Variants in ZNF343 observed in about 807,000 individuals in gnomAD.
The protein encoded by ZNF343 is zinc finger protein 343.
Under a neutral mutation model 13.8 loss-of-function variants are expected in ZNF343, and 11 were observed. The ratio of observed to expected loss-of-function variants is 0.80; its 90% CI spans 0.50 to 1.32. The LOEUF (loss-of-function observed/expected upper bound fraction) is 1.32. Ranked by LOEUF, ZNF343 falls within the 40% of genes most tolerant of loss-of-function variation. ZNF343 has a pLI of 0.00. For missense variants in ZNF343, 658 were observed against 714.2 expected (o/e 0.92, Z 0.90); for synonymous variants, 248 against 260.0 (o/e 0.95, Z 0.44).
chr20:2,503,056 T>C (rs891784067), intron 1 of ZNF343, among the ~76,000 whole-genome samples: 2 of 152,164 alleles, frequency 1.3e-5, no homozygotes, highest in Admixed American at 6.5e-5. Flanking sequence ...GTGTGCTGTA[T>C]TCAGGAAACC....
intron 5 of ZNF343, among the ~76,000 whole-genome samples, chr20:2,490,191 G>A (rs2085344477): frequency 6.6e-6 from 1 of 152,104 alleles, no homozygotes; most frequent in Non-Finnish European, 1.5e-5. Flanking sequence ...GCACAGGTGA[G>A]ACAGCGATAG....
rs780933734 is a variant in ZNF343 at position 2,493,815 on chromosome 20, C to T, written c.81G>A (p.Glu27=). Residue 27 remains glutamate, a synonymous_variant, in exon 3 of 6, where the codon GAG becomes GAA. Coordinates refer to ENST00000278772, the MANE Select transcript of ZNF343 (RefSeq NM_024325.6). ...GATTTTGGGTCAATTTCTTCATAGTCTCTACATTTTCCCCATTCTTTGGAA... is the reference window on the plus strand; with the variant it reads ...GATTTTGGGTCAATTTCTTCATAGTTTCTACATTTTCCCCATTCTTTGGAA... The part of the protein sequence containing the change: ...ILLPKNGENV[E]TMKKLTQNHK... The T allele has an allele frequency of 8.1e-6, 13 of 1,614,038 alleles. No homozygotes were observed. Among genetic ancestry groups the T allele is most frequent in the Non-Finnish European group, 9.3e-6 (11 of 1,179,942 alleles).
chr20:2,499,997 T>C (rs566854499), intron 2 of ZNF343, among the ~76,000 whole-genome samples: 2 of 152,314 alleles, frequency 1.3e-5, no homozygotes, highest in Admixed American at 1.3e-4. Context: ...AATATTATGG[T>C]TACATTTTTA....
intron 4 of ZNF343, 110 bp from the exon 5 acceptor site, chr20:2,492,935 G>C (rs558029825): frequency 6.8e-7 from 1 of 1,480,262 alleles, no homozygotes; most frequent in East Asian, 2.3e-5. Flanking sequence ...GATGTAATTC[G>C]TCAGAATATA....
intron 1 of ZNF343, among the ~76,000 whole-genome samples, chr20:2,514,897 G>A (rs1180894273): frequency 2.6e-5 from 4 of 151,962 alleles, no homozygotes; most frequent in African/African-American, 4.8e-5. Context: ...GCTGAGGCAC[G>A]AGAATTGCTT....
Position 2,497,161 on chromosome 20 carries a change from G to A in ZNF343, c.-149-3117C>T, listed in dbSNP as rs78200544. Among the ~76,000 whole-genome samples the A allele has an allele frequency of 7.3e-3, 1,116 of 152,318 alleles. 16 individuals are homozygous for A. The highest frequency in any genetic ancestry group is 0.026 in the African/African-American group (1,068 of 41,560). ...TTGGGGGAGAAGAACAAAGTTTGATGTTTGAGACTAGGTTTGAGATGCTAA... is the reference window on the plus strand; with the variant it reads ...TTGGGGGAGAAGAACAAAGTTTGATATTTGAGACTAGGTTTGAGATGCTAA... On this transcript the variant is annotated intron_variant, in intron 2 of 5. Coordinates refer to ENST00000278772, the MANE Select transcript of ZNF343 (RefSeq NM_024325.6).
Position 2,493,848 on chromosome 20 carries a change from C to T in ZNF343, c.48G>A (p.Glu16=). The part of the protein sequence containing the change: ...PSALGDQYWE[E]ILLPKNGENV... ...TTTCCCCATTCTTTGGAAGCAAAAT[C>T]TCTTCCCAGTATTGATCTCCCAGTG... Residue 16 remains glutamate, a synonymous_variant, in exon 3 of 6, where the codon GAG becomes GAA. Coordinates refer to ENST00000278772, the MANE Select transcript of ZNF343 (RefSeq NM_024325.6). 1 of 1,614,138 alleles carries T rather than the reference C, an allele frequency of 6.2e-7. No homozygotes were observed. Among genetic ancestry groups the T allele is most frequent in the Non-Finnish European group, 8.5e-7 (1 of 1,180,000 alleles).
intron 1 of ZNF343, among the ~76,000 whole-genome samples, chr20:2,504,440 A>T (rs1334989964): frequency 6.6e-6 from 1 of 152,158 alleles, no homozygotes; most frequent in Non-Finnish European, 1.5e-5. Context: ...ATCCTCCCTA[A>T]CTCATTTTAT....
At position 2,518,196 on chromosome 20, in the gene ZNF343, T is replaced by A. The variant is rs2085767726; in HGVS notation, c.-347+6259A>T. 6.6e-6 allele frequency among the ~76,000 whole-genome samples: 1 copy of A among 152,122 alleles called. No individual in the cohort carries two copies. The highest frequency in any genetic ancestry group is 6.5e-5 in the Admixed American group (1 of 15,278). ...GTCTGGCTACCTTTTTGTATTTTTT[T>A]AGTAGAGACGTAGTTTCGCCATGTT... On this transcript the variant is annotated intron_variant, in intron 1 of 6. Transcript: ENST00000358413. The surrounding 1 kb of genome is among the most constrained non-coding windows in gnomAD (Gnocchi z 4.6).
At chr20:2,523,307 T>A (rs948583297) in intron 1 of ZNF343, among the ~76,000 whole-genome samples, 8 of 152,192 alleles carry the variant, frequency 5.3e-5, no homozygotes, top group Admixed American at 2.0e-4. Flanking sequence ...CCACACCTTG[T>A]TTAGCATACA....
At chr20:2,486,039 T>G (rs2085275867) in intron 5 of ZNF343, among the ~76,000 whole-genome samples, 1 of 152,244 alleles carries the variant, frequency 6.6e-6, no homozygotes. Flanking sequence ...TGACGTGAAC[T>G]TTTTGCCTTG....
intron 3 of ZNF343, 50 bp downstream of exon 3, chr20:2,493,728 T>C: frequency 2.0e-6 from 3 of 1,510,182 alleles, no homozygotes; most frequent in Non-Finnish European, 2.8e-6. Flanking sequence ...CAGGTGAACC[T>C]GGAGCCTTGG....
Position 2,483,101 on chromosome 20 carries a change from T to A in ZNF343, c.*60A>T. The A allele has an allele frequency of 6.5e-7, 1 of 1,538,598 alleles. No homozygotes were observed. Among genetic ancestry groups the A allele is most frequent in the South Asian group, 1.3e-5 (1 of 78,394 alleles). On this transcript the variant is annotated 3_prime_UTR_variant, in exon 6 of 6. Transcript: ENST00000278772. ...CCCCATGTGTCTCTCTGGGGTAACA[T>A]GAGGCTTGACTGGTCACTCAGGTCT... is the stretch of plus-strand genomic sequence containing the variant.
intron 2 of ZNF343, chr20:2,495,458 G>A (rs561350639): frequency 2.0e-5 from 3 of 152,210 alleles, no homozygotes; most frequent in Non-Finnish European, 2.9e-5. Context: ...CCATTTCTAA[G>A]CATTGCATAA....
chr20:2,495,446 T>C (rs915928662), intron 2 of ZNF343: 7 of 152,238 alleles, frequency 4.6e-5, no homozygotes. Context: ...AAAGCGACGA[T>C]GCCATTTCTA....
chr20:2,514,034 A>T (rs1361516190), intron 1 of ZNF343, among the ~76,000 whole-genome samples: 1 of 152,232 alleles, frequency 6.6e-6, no homozygotes, highest in Non-Finnish European at 1.5e-5. Context: ...CGATGAAAAT[A>T]TTCTGGAATT....
At chr20:2,489,519 A>C (rs1014322206) in intron 5 of ZNF343, among the ~76,000 whole-genome samples, 37 of 152,184 alleles carry the variant, frequency 2.4e-4, no homozygotes, top group African/African-American at 7.7e-4. Context: ...TGCACTTTCA[A>C]ACAAGTGTTA....
At chr20:2,524,816 C>G (rs1291079354), upstream of ZNF343, 3 of 152,344 alleles carry the variant, frequency 2.0e-5, no homozygotes, top group Non-Finnish European at 4.4e-5. Flanking sequence ...GCGAGAGTCT[C>G]GCTGTGTCAC....
rs150451481 is a variant in ZNF343, at chr20:2,485,775, G to A, written c.305-1119C>T. Reference sequence around the variant, plus strand: ...TTTTCCCTTTGGTTGCTCTGACAAGGCACCGACCAGTGCTGGAACTGCTGG... The same window carrying A: ...TTTTCCCTTTGGTTGCTCTGACAAGACACCGACCAGTGCTGGAACTGCTGG... On this transcript the variant is annotated intron_variant, in intron 5 of 5. Transcript: ENST00000278772. 2.0e-3 allele frequency among the ~76,000 whole-genome samples: 303 copies of A among 152,214 alleles called. 1 individual carries two copies. Among genetic ancestry groups the A allele is most frequent in the Admixed American group, 3.1e-3 (48 of 15,290 alleles).
Sources: gnomAD v4.1 joint callset for allele counts (sites outside exome capture counted in the v4.1 genomes callset) on GRCh38, gnomAD v4.1.1 for gene constraint, Gnocchi (gnomAD v3.1) non-coding constraint, MANE v1.5 for transcripts, NCBI Gene and HGNC (gene_info 2026-07-23, HGNC 2026-07-21) for gene names.